The following LMBR1 variants were observed in gnomAD, a reference collection of about 807,000 sequenced individuals.
LMBR1 encodes the protein limb development membrane protein 1, also known as limb region 1 protein homolog.
LMBR1 carries 52 observed loss-of-function variants against 73.9 expected under a neutral mutation model. That is an observed-to-expected ratio of 0.70 (90% confidence interval 0.56 to 0.89). The LOEUF (loss-of-function observed/expected upper bound fraction) is 0.89. Among genes scored for constraint, LMBR1 ranks in the 40% least tolerant of loss-of-function variants. LMBR1 has a pLI of 0.00. For synonymous variants in LMBR1, 215 were observed against 209.4 expected (o/e 1.03, Z -0.23); for missense variants, 539 against 579.8 (o/e 0.93, Z 0.72).
At chr7:156,719,182 C>G (rs997546818) in intron 15 of LMBR1, among the ~76,000 whole-genome samples, 6 of 144,488 alleles carry the variant, frequency 4.2e-5, no homozygotes, top group African/African-American at 1.6e-4. Context: ...CTTCCTCTGT[C>G]CATGTGTTCT....
chr7:156,706,998 AC>A, intron 15 of LMBR1, among the ~76,000 whole-genome samples: 1 of 152,082 alleles, frequency 6.6e-6, no homozygotes, highest in East Asian at 1.9e-4. Context: ...TGCTAGAGTA[AC>A]AAGGGAAAAA....
intron 1 of LMBR1, among the ~76,000 whole-genome samples, chr7:156,879,537 G>C (rs1563610379): frequency 6.6e-6 from 1 of 152,002 alleles, no homozygotes; most frequent in Non-Finnish European, 1.5e-5. Context: ...GGTGGCAGGT[G>C]CCTGTAGTCC....
intron 14 of LMBR1, among the ~76,000 whole-genome samples, chr7:156,724,800 G>A (rs1208003768): frequency 6.8e-6 from 1 of 146,980 alleles, no homozygotes; most frequent in Non-Finnish European, 1.5e-5. Flanking sequence ...GTGTGTGTGT[G>A]TGTGTGTAAA....
At chr7:156,892,089 A>C (rs1254263794) in intron 1 of LMBR1, among the ~76,000 whole-genome samples, 2 of 152,260 alleles carry the variant, frequency 1.3e-5, no homozygotes, top group Non-Finnish European at 2.9e-5. Flanking sequence ...AGATAAAAAC[A>C]TCAAAGTAGA....
intron 1 of LMBR1, among the ~76,000 whole-genome samples, chr7:156,853,281 T>C (rs1796499693): frequency 6.6e-6 from 1 of 152,064 alleles, no homozygotes; most frequent in African/African-American, 2.4e-5. Context: ...CAGTAGAAAA[T>C]GTTAATACTA....
chr7:156,813,354 A>G (rs192208148), intron 4 of LMBR1, among the ~76,000 whole-genome samples: 2 of 152,292 alleles, frequency 1.3e-5, no homozygotes, highest in Non-Finnish European at 2.9e-5. Flanking sequence ...ATCATAGAAA[A>G]AATGTTTTAA....
intron 1 of LMBR1, among the ~76,000 whole-genome samples, chr7:156,870,472 A>T (rs1354687713): frequency 6.6e-6 from 1 of 152,198 alleles, no homozygotes; most frequent in Non-Finnish European, 1.5e-5. Context: ...GAAATTAGAA[A>T]ATATCTCAAG....
intron 8 of LMBR1, among the ~76,000 whole-genome samples, chr7:156,761,602 T>C (rs951205834): frequency 3.9e-5 from 6 of 152,208 alleles, no homozygotes; most frequent in African/African-American, 7.2e-5. Flanking sequence ...TTTTTACCTA[T>C]GCACCTATAG....
In LMBR1 at chr7:156,714,550, G is replaced by A. The variant is rs190060228; in HGVS notation, c.1225+9562C>T. ...ACACAGACGGGGTCAGGTATAGATC[G>A]TATGTGTTACCTTAAGGAAACTGTA... On this transcript the variant is annotated intron_variant, in intron 15 of 16. Coordinates refer to ENST00000353442, the MANE Select transcript of LMBR1 (RefSeq NM_022458.4). Among the ~76,000 whole-genome samples, 177 of 152,336 alleles carry A rather than the reference G, an allele frequency of 1.2e-3. 2 individuals carry two copies. Among genetic ancestry groups the A allele is most frequent in the Non-Finnish European group, 2.1e-3 (140 of 68,036 alleles).
intron 4 of LMBR1, among the ~76,000 whole-genome samples, chr7:156,803,428 A>C (rs1831383154): frequency 6.6e-6 from 1 of 152,300 alleles, no homozygotes; most frequent in East Asian, 1.9e-4. Context: ...CCATCAGAGA[A>C]ATGCAAATCA....
intron 1 of LMBR1, among the ~76,000 whole-genome samples, chr7:156,890,278 G>A (rs1291510186): frequency 6.6e-6 from 1 of 152,070 alleles, no homozygotes; most frequent in Non-Finnish European, 1.5e-5. Context: ...CTTAGAGTAA[G>A]GAGAGATTTC....
chr7:156,674,155 G>A (rs1368893718), downstream of LMBR1, among the ~76,000 whole-genome samples: 1 of 152,214 alleles, frequency 6.6e-6, no homozygotes, highest in Admixed American at 6.5e-5. Context: ...GTGACTGAAA[G>A]CCAGAGCTTC....
At chr7:156,799,604 C>T (rs991376278) in intron 4 of LMBR1, among the ~76,000 whole-genome samples, 1 of 152,048 alleles carries the variant, frequency 6.6e-6, no homozygotes, top group Non-Finnish European at 1.5e-5. Flanking sequence ...TGAGACACAA[C>T]GATATTGAAA....
At chr7:156,804,318 C>A (rs940383883) in intron 4 of LMBR1, among the ~76,000 whole-genome samples, 1 of 151,994 alleles carries the variant, frequency 6.6e-6, no homozygotes, top group East Asian at 1.9e-4. Context: ...ATGTTGTTCC[C>A]AATTTGTGGC....
chr7:156,880,545 A>AC (rs2134452759), intron 1 of LMBR1, among the ~76,000 whole-genome samples: 1 of 152,312 alleles, frequency 6.6e-6, no homozygotes, highest in East Asian at 1.9e-4. Context: ...GAAGGCACAG[A>AC]CAAAGGGAAA....
intron 4 of LMBR1, among the ~76,000 whole-genome samples, chr7:156,821,048 T>A (rs76757813): frequency 6.6e-6 from 1 of 152,092 alleles, no homozygotes; most frequent in Non-Finnish European, 1.5e-5. Context: ...TTAGTAGGGA[T>A]TGAATGCTGA....
chr7:156,797,016 T>C (rs1365760141), intron 4 of LMBR1, among the ~76,000 whole-genome samples: 1 of 152,200 alleles, frequency 6.6e-6, no homozygotes, highest in East Asian at 1.9e-4. Flanking sequence ...ATGAGGCAGG[T>C]AGCATTACTG....
intron 16 of LMBR1, among the ~76,000 whole-genome samples, chr7:156,686,980 T>C (rs1457774374): frequency 2.0e-5 from 3 of 152,200 alleles, no homozygotes; most frequent in Non-Finnish European, 4.4e-5. Flanking sequence ...CTGTCAGGCA[T>C]TGCAATATTT....
In LMBR1 at chr7:156,786,616, T is replaced by C. The variant is rs536281407; in HGVS notation, c.423+9773A>G. On this transcript the variant is annotated intron_variant, in intron 5 of 16. Transcript: ENST00000353442. ...TGAAGGAATGATAACACTTGAAGAG[T>C]GAAACCAACTATCAAATTACTAAGA... Among the ~76,000 whole-genome samples, 5 of 152,100 alleles carry C rather than the reference T, an allele frequency of 3.3e-5. No individual in the cohort carries two copies. The South Asian group carries it at 1.0e-3, about 32-fold the overall frequency.
Sources: gnomAD v4.1 joint callset for allele counts (sites outside exome capture counted in the v4.1 genomes callset) on GRCh38, gnomAD v4.1.1 for gene constraint, MANE v1.5 for transcripts, NCBI Gene and HGNC (gene_info 2026-07-23, HGNC 2026-07-21) for gene names.